SERPINI2: variants seen among roughly 807,000 people sequenced by gnomAD.
SERPINI2 encodes the protein serpin I2.
SERPINI2 carries 48 observed loss-of-function variants against 47.3 expected under a neutral mutation model. That is an observed-to-expected ratio of 1.02 (90% confidence interval 0.81 to 1.29). SERPINI2 has a LOEUF of 1.29. Among genes scored for constraint, SERPINI2 ranks in the 50% most tolerant of loss-of-function variants. The pLI, the probability that SERPINI2 is intolerant of heterozygous loss-of-function variation, is 0.00. For synonymous variants in SERPINI2, 135 were observed against 149.3 expected (o/e 0.90, Z 0.70); for missense variants, 448 against 456.9 (o/e 0.98, Z 0.18).
intron 1 of SERPINI2, chr3:167,473,660 C>T: frequency 1.7e-6 from 1 of 592,672 alleles, no homozygotes; most frequent in East Asian, 3.2e-5. Flanking sequence ...GCATCCACAT[C>T]CATTTTTTCT....
chr3:167,444,806 TGGG>T (rs1380083922), intron 8 of SERPINI2, among the ~76,000 whole-genome samples: 1 of 152,094 alleles, frequency 6.6e-6, no homozygotes, highest in African/African-American at 2.4e-5. Context: ...AACAGATAAG[TGGG>T]TTATTTTGGG....
At position 167,452,951 on chromosome 3, in the gene SERPINI2, G is replaced by A. The variant is rs1278512051; in HGVS notation, c.949C>T (p.Leu317Phe). Residue 317 changes from leucine to phenylalanine, a missense_variant, in exon 6 of 9, where the codon CTT becomes TTT. By Grantham distance (22) the Leu-to-Phe change is conservative (BLOSUM62 0). Coordinates refer to ENST00000264677, the Ensembl canonical transcript of SERPINI2. ...ATCATACTACCTGTTATTCCAGAAA[G>A]GTCGCAGCCACCACTAAATATCTCG... The A allele has an allele frequency of 3.1e-6, 5 of 1,594,582 alleles. No homozygotes were observed. Among genetic ancestry groups the A allele is most frequent in the Non-Finnish European group, 4.3e-6 (5 of 1,169,248 alleles).
At chr3:167,459,230 A>G (rs1216815314) in intron 5 of SERPINI2, among the ~76,000 whole-genome samples, 2 of 151,592 alleles carry the variant, frequency 1.3e-5, no homozygotes, top group African/African-American at 4.8e-5. Flanking sequence ...GCCCGCCACT[A>G]TGCCCGGCTA....
intron 8 of SERPINI2, among the ~76,000 whole-genome samples, chr3:167,445,261 G>A (rs1031977518): frequency 3.9e-5 from 6 of 152,156 alleles, no homozygotes; most frequent in African/African-American, 1.4e-4. Flanking sequence ...AATAGATTCA[G>A]ATTCTGCAAT....
rs970268329 is a variant in SERPINI2, at chr3:167,468,331, G to A, written c.248-1046C>T. Among the ~76,000 whole-genome samples the A allele has an allele frequency of 3.3e-5, 5 of 151,980 alleles. No homozygotes were observed. The South Asian group carries it at 8.3e-4, about 25-fold the overall frequency. ...AGGATGTGTGTGTGTGTGTACCTAA[G>A]CTTGTGTAAATACATTTTTTTTTTT... On this transcript the variant is annotated intron_variant, in intron 2 of 8. Coordinates refer to ENST00000264677, the Ensembl canonical transcript of SERPINI2.
intron 8 of SERPINI2, among the ~76,000 whole-genome samples, chr3:167,443,275 T>C (rs935351296): frequency 2.6e-5 from 4 of 151,884 alleles, no homozygotes; most frequent in African/African-American, 4.8e-5. Context: ...GCCTGGCTAA[T>C]TTTTTGTATT....
intron 8 of SERPINI2, among the ~76,000 whole-genome samples, chr3:167,444,145 G>A (rs1159033614): frequency 2.0e-5 from 3 of 152,044 alleles, no homozygotes; most frequent in Admixed American, 6.6e-5. Context: ...CATTATGTCT[G>A]GAGTCCTGTC....
chr3:167,457,569 G>T (rs970424287), intron 5 of SERPINI2, among the ~76,000 whole-genome samples: 1 of 151,966 alleles, frequency 6.6e-6, no homozygotes, highest in Non-Finnish European at 1.5e-5. Context: ...GATCTTTTAG[G>T]CTTTAGTCTT....
chr3:167,465,668 T>G, exon 4 of SERPINI2: 1 of 1,606,350 alleles, frequency 6.2e-7, no homozygotes, highest in Non-Finnish European at 8.5e-7. Context: ...ATGTCTTTAA[T>G]TTTTCCTAGG....
chr3:167,449,427 G>A (rs1215128256), intron 6 of SERPINI2, 25 bp from the exon 7 acceptor site: 3 of 1,441,870 alleles, frequency 2.1e-6, no homozygotes, highest in South Asian at 2.4e-5. Flanking sequence ...ATACACAAAA[G>A]TGTATTTAAG....
chr3:167,465,275 A>G (rs1401655830), exon 5 of SERPINI2: 1 of 1,612,884 alleles, frequency 6.2e-7, no homozygotes, highest in Non-Finnish European at 8.5e-7. Context: ...TTGAGCAGTA[A>G]TTAGTTTTTC....
upstream of SERPINI2, among the ~76,000 whole-genome samples, chr3:167,474,613 G>A (rs552703612): frequency 2.0e-5 from 3 of 151,712 alleles, no homozygotes; most frequent in South Asian, 6.2e-4. Context: ...TGAGCAGAAA[G>A]GCCAGCAAAA....
At chr3:167,470,524 G>GA (rs1239655479) in intron 2 of SERPINI2, among the ~76,000 whole-genome samples, 1 of 143,822 alleles carries the variant, frequency 7.0e-6, no homozygotes, top group Non-Finnish European at 1.5e-5. Context: ...CTGAGAGCAT[G>GA]AGATAGCTGA....
chr3:167,453,779 C>T (rs1039612208), intron 5 of SERPINI2, among the ~76,000 whole-genome samples: 6 of 151,794 alleles, frequency 4.0e-5, no homozygotes, highest in Middle Eastern at 3.4e-3. Context: ...GAAAAGGGAA[C>T]TTAACCAGAT....
chr3:167,445,623 A>G (rs1164847062), intron 8 of SERPINI2, among the ~76,000 whole-genome samples: 1 of 152,238 alleles, frequency 6.6e-6, no homozygotes, highest in Non-Finnish European at 1.5e-5. Context: ...CTGAATACAG[A>G]GATGAGTAAA....
At chr3:167,466,723 T>C (rs1428045004) in intron 3 of SERPINI2, among the ~76,000 whole-genome samples, 1 of 152,138 alleles carries the variant, frequency 6.6e-6, no homozygotes, top group Non-Finnish European at 1.5e-5. Context: ...CAGATTTAAC[T>C]TCTACCTGGC....
rs1056059064 is a variant in SERPINI2 at position 167,452,452 on chromosome 3, C to G, written c.964+484G>C. On this transcript the variant is annotated intron_variant, in intron 6 of 8. Transcript: ENST00000264677. ...TCAGATATGTTGTCAGCCCAAAAGACTCTGTTGCTAAATCTGCAAGCTGTA... is the reference window on the plus strand; with the variant it reads ...TCAGATATGTTGTCAGCCCAAAAGAGTCTGTTGCTAAATCTGCAAGCTGTA... 6.6e-5 allele frequency among the ~76,000 whole-genome samples: 10 copies of G among 152,218 alleles called. No homozygotes were observed. In the East Asian group the frequency reaches 1.9e-3, roughly 29 times the overall value.
chr3:167,449,509 T>TA, intron 6 of SERPINI2, 107 bp from the exon 7 acceptor site: 2 of 527,570 alleles, frequency 3.8e-6, no homozygotes, highest in Non-Finnish European at 6.0e-6. Flanking sequence ...TTTATTTATT[T>TA]TTTGAGATGG....
At chr3:167,451,668 A>C (rs1463075081) in intron 6 of SERPINI2, among the ~76,000 whole-genome samples, 5 of 152,204 alleles carry the variant, frequency 3.3e-5, no homozygotes, top group African/African-American at 9.6e-5. Context: ...TTTTGGAAGT[A>C]TTTTCTTTAA....
Sources: gnomAD v4.1 joint callset for allele counts (sites outside exome capture counted in the v4.1 genomes callset) on GRCh38, gnomAD v4.1.1 for gene constraint, MANE v1.5 for transcripts, NCBI Gene and HGNC (gene_info 2026-07-23, HGNC 2026-07-21) for gene names.